RSU1: variants seen among roughly 807,000 people sequenced by gnomAD.
The protein encoded by RSU1 is Ras suppressor protein 1.
Under a neutral mutation model 31.1 loss-of-function variants are expected in RSU1, and 26 were observed. That is an observed-to-expected ratio of 0.84 (90% CI 0.61 to 1.16). The LOEUF (loss-of-function observed/expected upper bound fraction) is 1.16, where lower values mean the gene tolerates loss of function less well. Ranked by LOEUF, RSU1 falls within the 50% of genes most tolerant of loss-of-function variation. The pLI, the probability that RSU1 is intolerant of heterozygous loss-of-function variation, is 0.00. For synonymous variants in RSU1, 164 were observed against 136.3 expected, an observed-to-expected ratio of 1.20 and a Z score of -1.41; for missense variants, 320 against 339.1, an observed-to-expected ratio of 0.94 and a Z score of 0.44.
chr10:16,625,985 T>C (rs1225794717), intron 8 of RSU1, among the ~76,000 whole-genome samples: 1 of 152,130 alleles, frequency 6.6e-6, no homozygotes, highest in Non-Finnish European at 1.5e-5. Flanking sequence ...TGGGGCATGG[T>C]ATTACAGCTG....
intron 8 of RSU1, among the ~76,000 whole-genome samples, chr10:16,622,189 C>T (rs1834081997): frequency 6.6e-6 from 1 of 152,160 alleles, no homozygotes; most frequent in Non-Finnish European, 1.5e-5. Flanking sequence ...TGTTTCTGTG[C>T]TTACTTTGTG....
At chr10:16,658,910 C>T (rs1043424157) in intron 8 of RSU1, among the ~76,000 whole-genome samples, 7 of 152,194 alleles carry the variant, frequency 4.6e-5, no homozygotes, top group African/African-American at 1.7e-4. Flanking sequence ...TCCTTGCCCA[C>T]AAACTGTATT....
chr10:16,711,663 A>G (rs562481350), intron 7 of RSU1, among the ~76,000 whole-genome samples: 1 of 152,304 alleles, frequency 6.6e-6, no homozygotes, highest in South Asian at 2.1e-4. Context: ...GTTGAGGGCC[A>G]TGTTGTTTAA....
chr10:16,607,122 G>A (rs893550730), intron 8 of RSU1, among the ~76,000 whole-genome samples: 2 of 152,196 alleles, frequency 1.3e-5, no homozygotes, highest in Non-Finnish European at 2.9e-5. Context: ...GTGATAGTGA[G>A]TGAGTTCTCG....
At chr10:16,808,646 CCA>C (rs1431092807) in intron 2 of RSU1, among the ~76,000 whole-genome samples, 2 of 152,272 alleles carry the variant, frequency 1.3e-5, no homozygotes, top group South Asian at 4.1e-4. Flanking sequence ...GAAGCACTTA[CCA>C]CAGAGTAGGC....
At chr10:16,738,953 C>T (rs1397157126) in intron 7 of RSU1, among the ~76,000 whole-genome samples, 2 of 149,498 alleles carry the variant, frequency 1.3e-5, no homozygotes, top group Non-Finnish European at 3.0e-5. Flanking sequence ...TGAACGAGAA[C>T]ATGTGGTGTT....
chr10:16,795,026 T>C (rs186349376), intron 2 of RSU1, among the ~76,000 whole-genome samples: 77 of 152,364 alleles, frequency 5.1e-4, no homozygotes, highest in African/African-American at 1.7e-3. Flanking sequence ...TGTGTTGTGC[T>C]GAGCACTTTA....
chr10:16,748,225 C>G (rs1836897965), intron 7 of RSU1: 1 of 152,174 alleles, frequency 6.6e-6, no homozygotes, highest in African/African-American at 2.4e-5. Context: ...AATTGAGGTG[C>G]CAATAAAGCT....
chr10:16,620,939 G>T (rs1279368283), intron 8 of RSU1, among the ~76,000 whole-genome samples: 5 of 152,046 alleles, frequency 3.3e-5, no homozygotes, highest in Admixed American at 2.0e-4. Flanking sequence ...ATGCAAACTG[G>T]GCAGTCCTGA....
At chr10:16,664,905 T>G (rs1834959789) in intron 8 of RSU1, among the ~76,000 whole-genome samples, 1 of 152,168 alleles carries the variant, frequency 6.6e-6, no homozygotes, top group East Asian at 1.9e-4. Context: ...TAGTATTTAT[T>G]GAATGCTTAT....
intron 7 of RSU1, among the ~76,000 whole-genome samples, chr10:16,740,749 A>C (rs959079076): frequency 2.6e-5 from 4 of 152,206 alleles, no homozygotes; most frequent in Admixed American, 1.3e-4. Flanking sequence ...CTTAGGAAAA[A>C]ATTTAGCAAA....
chr10:16,639,957 T>A (rs1764910499), intron 8 of RSU1, among the ~76,000 whole-genome samples: 1 of 152,184 alleles, frequency 6.6e-6, no homozygotes, highest in African/African-American at 2.4e-5. Context: ...AGACAATATA[T>A]TTTAGAAAGG....
intron 8 of RSU1, among the ~76,000 whole-genome samples, chr10:16,600,433 C>A (rs1000702777): frequency 1.3e-5 from 2 of 152,182 alleles, no homozygotes; most frequent in Admixed American, 6.5e-5. Flanking sequence ...CTGACCACTA[C>A]CGCCTGGACA....
chr10:16,660,551 A>G (rs1221155295), intron 8 of RSU1, among the ~76,000 whole-genome samples: 1 of 146,228 alleles, frequency 6.8e-6, no homozygotes, highest in Non-Finnish European at 1.5e-5. Context: ...TGTCATCCCT[A>G]TGTCTTACTC....
At chr10:16,704,190 G>C (rs1306056191) in intron 7 of RSU1, among the ~76,000 whole-genome samples, 1 of 152,086 alleles carries the variant, frequency 6.6e-6, no homozygotes, top group African/African-American at 2.4e-5. Flanking sequence ...ACTATCACAA[G>C]TTCTACAAAG....
At position 16,645,557 on chromosome 10, in the gene RSU1, C is replaced by T. The variant is rs1834521878; in HGVS notation, c.731+49466G>A. Among the ~76,000 whole-genome samples, 3 of 151,940 alleles carry T rather than the reference C, an allele frequency of 2.0e-5. No homozygotes were observed. In the South Asian group the frequency reaches 6.2e-4, roughly 32 times the overall value. ...GGTGCGGTGGCTCACGCTGTAATCC[C>T]AGCACTTTGGGAAGCTGAGGCGGGC... On this transcript the variant is annotated intron_variant, in intron 8 of 8. Transcript: ENST00000345264.
At chr10:16,603,400 A>G (rs1417853173) in intron 8 of RSU1, among the ~76,000 whole-genome samples, 1 of 152,254 alleles carries the variant, frequency 6.6e-6, no homozygotes, top group Admixed American at 6.5e-5. Context: ...AAACTTCATC[A>G]TCCTGTCTAC....
chr10:16,632,830 A>G (rs1448698978), intron 8 of RSU1, among the ~76,000 whole-genome samples: 1 of 151,912 alleles, frequency 6.6e-6, no homozygotes, highest in Non-Finnish European at 1.5e-5. Flanking sequence ...TACACGTCCT[A>G]CCTCCTAGGG....
chr10:16,784,619 C>G (rs1837732597), intron 2 of RSU1, among the ~76,000 whole-genome samples: 1 of 152,294 alleles, frequency 6.6e-6, no homozygotes, highest in Admixed American at 6.5e-5. Flanking sequence ...GTTTAATGGA[C>G]TCACAGTTCC....
Sources: gnomAD v4.1 joint callset for allele counts (sites outside exome capture counted in the v4.1 genomes callset) on GRCh38, gnomAD v4.1.1 for gene constraint, MANE v1.5 for transcripts, NCBI Gene and HGNC (gene_info 2026-07-23, HGNC 2026-07-21) for gene names.